CCDC85A: variants seen among roughly 807,000 people sequenced by gnomAD.
CCDC85A encodes coiled-coil domain containing 85A.
Under a neutral mutation model 50.2 loss-of-function variants are expected in CCDC85A, and 38 were observed. The observed-to-expected ratio is 0.76, with a 90% CI of 0.58 to 0.99. CCDC85A has a LOEUF of 0.99. Among genes scored for constraint, CCDC85A ranks in the 50% least tolerant of loss-of-function variants. CCDC85A has a pLI of 0.00. For missense variants in CCDC85A, 820 were observed against 742.0 expected (o/e 1.11, Z -1.22); for synonymous variants, 366 against 301.4 (o/e 1.21, Z -2.22).
At chr2:56,214,181 C>T (rs1367228672) in intron 2 of CCDC85A, among the ~76,000 whole-genome samples, 1 of 151,934 alleles carries the variant, frequency 6.6e-6, no homozygotes, top group African/African-American at 2.4e-5. Context: ...CTAGCTTATC[C>T]ACTTGCTACT....
chr2:56,237,905 T>C (rs989078431), intron 2 of CCDC85A, among the ~76,000 whole-genome samples: 3 of 152,164 alleles, frequency 2.0e-5, no homozygotes, highest in African/African-American at 7.2e-5. Flanking sequence ...TGCTGTGTTA[T>C]GCATGAAATG....
intron 2 of CCDC85A, among the ~76,000 whole-genome samples, chr2:56,326,466 T>C (rs555630715): frequency 6.6e-5 from 10 of 152,284 alleles, no homozygotes; most frequent in Non-Finnish European, 1.5e-4. Context: ...GATAGAATCC[T>C]TGTGAAACTA....
chr2:56,235,083 A>G (rs1668945903), intron 2 of CCDC85A: 1 of 152,216 alleles, frequency 6.6e-6, no homozygotes, highest in Non-Finnish European at 1.5e-5. Flanking sequence ...AGCTAAAAAT[A>G]CCATCAGTGA....
At chr2:56,302,873 T>C (rs902199940) in intron 2 of CCDC85A, among the ~76,000 whole-genome samples, 1 of 152,206 alleles carries the variant, frequency 6.6e-6, no homozygotes, top group Non-Finnish European at 1.5e-5. Flanking sequence ...TTTCTTCTTT[T>C]TCATCTCATT....
At chr2:56,310,200 G>A (rs184396086) in intron 2 of CCDC85A, among the ~76,000 whole-genome samples, 4 of 152,280 alleles carry the variant, frequency 2.6e-5, no homozygotes, top group Admixed American at 2.0e-4. Flanking sequence ...CGGGTAAAAT[G>A]TCATGACCGT....
chr2:56,293,750 A>G lies in CCDC85A; in HGVS notation c.1241-49129A>G, dbSNP rs148040771. 1.9e-3 allele frequency among the ~76,000 whole-genome samples: 283 copies of G among 152,344 alleles called. 3 individuals carry two copies. Among genetic ancestry groups the G allele is most frequent in the African/African-American group, 6.3e-3 (260 of 41,586 alleles). On this transcript the variant is annotated intron_variant, in intron 2 of 5. Transcript: ENST00000407595. Reference sequence around the variant, plus strand: ...TAGAGAAATTCAAATCAAAACCACAATGAGATACCATCTCACACCAGTTGG... The same window carrying G: ...TAGAGAAATTCAAATCAAAACCACAGTGAGATACCATCTCACACCAGTTGG...
intron 5 of CCDC85A, 33 bp from the exon 6 acceptor site, chr2:56,384,233 G>C (rs1416501733): frequency 1.4e-5 from 22 of 1,582,590 alleles, no homozygotes; most frequent in Non-Finnish European, 1.8e-5. Context: ...AAGAGGAAAA[G>C]TAAGATACTC....
chr2:56,309,467 T>A (rs944496145), intron 2 of CCDC85A, among the ~76,000 whole-genome samples: 1 of 152,166 alleles, frequency 6.6e-6, no homozygotes, highest in Non-Finnish European at 1.5e-5. Context: ...TTATTTAATG[T>A]CACAATGTAA....
chr2:56,359,560 A>C (rs937581321), intron 3 of CCDC85A, among the ~76,000 whole-genome samples: 1 of 152,214 alleles, frequency 6.6e-6, no homozygotes, highest in Admixed American at 6.5e-5. Flanking sequence ...CCACATAGGC[A>C]GCAGCTTGGA....
chr2:56,325,255 T>C (rs1328815691), intron 2 of CCDC85A, among the ~76,000 whole-genome samples: 1 of 152,118 alleles, frequency 6.6e-6, no homozygotes, highest in Non-Finnish European at 1.5e-5. Flanking sequence ...AATTATAGGC[T>C]ATATGGAGAT....
intron 1 of CCDC85A, among the ~76,000 whole-genome samples, chr2:56,189,297 G>GTTTTTTTTTTTTTTTTTTTTTTTTTTTT (rs70955011): frequency 7.4e-5 from 9 of 121,958 alleles, no homozygotes; most frequent in African/African-American, 3.1e-4. Flanking sequence ...TATTTTTGGT[G>GTTTTTTTTTTTTTTTTTTTTTTTTTTTT]TTTTTTTTTT....
intron 2 of CCDC85A, among the ~76,000 whole-genome samples, chr2:56,204,331 A>T (rs569809484): frequency 6.6e-6 from 1 of 152,334 alleles, no homozygotes; most frequent in South Asian, 2.1e-4. Flanking sequence ...ACATATAATG[A>T]AGTGTTCAGA....
Position 56,193,283 on chromosome 2 carries a change from C to T in CCDC85A, c.1083C>T (p.His361=), listed in dbSNP as rs199790461. ...GAGCCAGGGGCACCAGCCCGGAGCACCTCAAACAACATTATGGAGGGAGCC... is the reference window on the plus strand; with the variant it reads ...GAGCCAGGGGCACCAGCCCGGAGCATCTCAAACAACATTATGGAGGGAGCC... ...LPRARGTSPE[H]LKQHYGGSPD... is the part of the protein sequence containing the mutation. The change falls in exon 2 of 6, where the codon CAC becomes CAT. Residue 361 remains histidine, a synonymous_variant. Transcript: ENST00000407595. 7 of 1,613,778 alleles carry T rather than the reference C, an allele frequency of 4.3e-6. No homozygotes were observed. Among genetic ancestry groups the T allele is most frequent in the South Asian group, 3.3e-5 (3 of 91,076 alleles).
chr2:56,199,750 T>C (rs1376807069), intron 2 of CCDC85A, among the ~76,000 whole-genome samples: 1 of 152,240 alleles, frequency 6.6e-6, no homozygotes, highest in African/African-American at 2.4e-5. Flanking sequence ...ACTGCCCTGC[T>C]TAGAAATGTG....
chr2:56,184,765 G>A lies in CCDC85A; in HGVS notation c.141G>A (p.Trp47Ter). The A allele has an allele frequency of 6.5e-7, 1 of 1,546,174 alleles. No individual in the cohort carries two copies. The highest frequency in any genetic ancestry group is 8.7e-7 in the Non-Finnish European group (1 of 1,145,968). Residue 47 changes from tryptophan to a stop codon, truncating the protein, a stop_gained, in exon 1 of 6, where the codon TGG (tryptophan) becomes TGA (stop). Coordinates refer to ENST00000407595, the MANE Select transcript of CCDC85A (RefSeq NM_001080433.2). LOFTEE classifies it high-confidence loss of function. ...SKVSDEELLQ[W>*]SKEELIRSLR... is the part of the protein sequence containing the mutation. ...TGTCGGACGAGGAGCTGCTGCAGTG[G>A]AGCAAGGAGGAGCTGATCCGCAGCC... is the stretch of plus-strand genomic sequence containing the variant.
chr2:56,284,350 T>A (rs751384829), intron 2 of CCDC85A, among the ~76,000 whole-genome samples: 5 of 152,194 alleles, frequency 3.3e-5, no homozygotes, highest in Non-Finnish European at 7.3e-5. Context: ...GTTCTTCAAG[T>A]CATATTGATT....
intron 2 of CCDC85A, among the ~76,000 whole-genome samples, chr2:56,231,989 C>G (rs1412502400): frequency 1.3e-5 from 2 of 152,048 alleles, no homozygotes; most frequent in Non-Finnish European, 2.9e-5. Context: ...CTTCATTTGC[C>G]TACTTCTCTG....
rs377217850 is a variant in CCDC85A, at chr2:56,273,031, A to G, written c.1241-69848A>G. Among the ~76,000 whole-genome samples, 26 of 152,332 alleles carry G rather than the reference A, an allele frequency of 1.7e-4. 1 individual carries two copies. The highest frequency in any genetic ancestry group is 6.3e-4 in the African/African-American group (26 of 41,574). On this transcript the variant is annotated intron_variant, in intron 2 of 5. Transcript: ENST00000407595. Reference sequence around the variant, plus strand: ...TTTAGGATGATGTTACATTTGTGGAATAAGAACAGGATGTTACAATAAAAG... The same window carrying G: ...TTTAGGATGATGTTACATTTGTGGAGTAAGAACAGGATGTTACAATAAAAG...
intron 2 of CCDC85A, among the ~76,000 whole-genome samples, chr2:56,278,815 A>C (rs1671076641): frequency 6.6e-6 from 1 of 152,126 alleles, no homozygotes; most frequent in Non-Finnish European, 1.5e-5. Flanking sequence ...TCAAGTGAAC[A>C]GCCCACCTCG....
Sources: allele counts gnomAD v4.1 joint callset (sites outside exome capture counted in the v4.1 genomes callset), GRCh38; gene constraint gnomAD v4.1.1; transcripts MANE v1.5; gene names NCBI Gene and HGNC (gene_info 2026-07-23, HGNC 2026-07-21).